APMAP: variants seen among roughly 807,000 people sequenced by gnomAD.
APMAP encodes the protein adipocyte plasma membrane associated protein, also known as adipocyte plasma membrane-associated protein.
In APMAP, 33 loss-of-function variants were observed where a neutral mutation model predicts 43.6. That is an observed-to-expected ratio of 0.76 (90% CI 0.57 to 1.01). The LOEUF is 1.01. Ranked by LOEUF, APMAP falls within the 50% of genes least tolerant of loss-of-function variation. The probability of loss-of-function intolerance (pLI) is 0.00; values close to 1 mark genes in which losing one functional copy is unlikely to be tolerated. For synonymous variants in APMAP, 224 were observed against 216.7 expected (o/e 1.03, Z -0.30); for missense variants, 498 against 540.7 (o/e 0.92, Z 0.78).
chr20:24,969,053 C>A lies in APMAP; in HGVS notation c.880G>T (p.Ala294Ser). The A allele has an allele frequency of 6.2e-7, 1 of 1,611,430 alleles. No individual in the cohort carries two copies. Among genetic ancestry groups the A allele is most frequent in the South Asian group, 1.1e-5 (1 of 90,596 alleles). ...GGCATGTTCTCCACAAACAGATCAG[C>A]CCCGCCCTTCATCAGGCCAGAAACG... ...VYVSGLMKGG[A>S]DLFVENMPGF... is the part of the protein sequence containing the mutation. The change falls in exon 8 of 9, where the codon GCT (alanine) becomes TCT (serine). Residue 294 changes from alanine to serine, a missense_variant. Physicochemically the swap from Ala to Ser is moderately conservative, Grantham distance 99. Transcript: ENST00000217456.
intron 1 of APMAP, among the ~76,000 whole-genome samples, chr20:24,985,970 C>G (rs2088143958): frequency 1.3e-5 from 2 of 152,172 alleles, no homozygotes; most frequent in Admixed American, 1.3e-4. Context: ...TGGTAGAAAG[C>G]TTGGCTGAAT....
In APMAP at chr20:24,963,574, C is replaced by T; in HGVS notation, c.*239G>A. On this transcript the variant is annotated 3_prime_UTR_variant, in exon 9 of 9. Coordinates refer to ENST00000217456, the MANE Select transcript of APMAP (RefSeq NM_020531.3). ...TTTTGTTTAAGAGAAAATGGCTTTACATGAATTTATGTTCCTCATGGCAGA... is the reference window on the plus strand; with the variant it reads ...TTTTGTTTAAGAGAAAATGGCTTTATATGAATTTATGTTCCTCATGGCAGA... The T allele has an allele frequency of 1.8e-6, 1 of 547,688 alleles. No homozygotes were observed. The highest frequency in any genetic ancestry group is 3.3e-6 in the Non-Finnish European group (1 of 306,726). 33.9% of individuals were successfully genotyped at this position (547,688 alleles called of 1,614,324 possible).
intron 3 of APMAP, among the ~76,000 whole-genome samples, chr20:24,976,927 C>G (rs2088054545): frequency 6.6e-6 from 1 of 152,216 alleles, no homozygotes; most frequent in Non-Finnish European, 1.5e-5. Flanking sequence ...AGATGCCAAT[C>G]TGAAAAGGCT....
At position 24,970,314 on chromosome 20, in the gene APMAP, A is replaced by T; in HGVS notation, c.596T>A (p.Phe199Tyr). Residue 199 changes from phenylalanine (F) to tyrosine (Y), a missense_variant, in exon 6 of 9, where the codon TTT (phenylalanine) becomes TAT (tyrosine). By Grantham distance (22) the Phe-to-Tyr change is conservative. Coordinates refer to ENST00000217456, the MANE Select transcript of APMAP (RefSeq NM_020531.3). The part of the protein sequence containing the change: ...ETPIEGKNMS[F>Y]VNDLTVTQDG... ...CTGAGTGACTGTAAGATCATTCACA[A>T]AGGACATGTTCTTCCCCTCAATGGG... is the stretch of plus-strand genomic sequence containing the variant. The T allele has an allele frequency of 6.2e-7, 1 of 1,614,016 alleles. No individual in the cohort carries two copies. The highest frequency in any genetic ancestry group is 8.5e-7 in the Non-Finnish European group (1 of 1,179,982).
intron 3 of APMAP, among the ~76,000 whole-genome samples, chr20:24,978,163 G>A (rs933900948): frequency 2.0e-5 from 3 of 152,214 alleles, no homozygotes; most frequent in Admixed American, 6.5e-5. Flanking sequence ...GACTATCTGT[G>A]CCTTCCCAAT....
intron 1 of APMAP, among the ~76,000 whole-genome samples, chr20:24,991,385 C>G (rs117380329): frequency 1.7e-3 from 262 of 152,338 alleles, no homozygotes; most frequent in Non-Finnish European, 3.0e-3. Flanking sequence ...GAAAGTTCTA[C>G]ATCCTTGGAA....
chr20:24,976,617 G>A lies in APMAP; in HGVS notation c.328+2150C>T, dbSNP rs561398534. Among the ~76,000 whole-genome samples the A allele has an allele frequency of 1.0e-3, 156 of 152,326 alleles. 1 individual carries two copies. The highest frequency in any genetic ancestry group is 1.6e-3 in the Non-Finnish European group (112 of 68,032). On this transcript the variant is annotated intron_variant, in intron 3 of 8. Coordinates refer to ENST00000217456, the MANE Select transcript of APMAP (RefSeq NM_020531.3). ...GAAGGCAAATGGTACAGCCACTTTG[G>A]AAACGCTTGGTGGTTTCTTACAAAA...
chr20:24,975,863 A>T (rs903454902), intron 3 of APMAP, among the ~76,000 whole-genome samples: 1 of 152,246 alleles, frequency 6.6e-6, no homozygotes, highest in South Asian at 2.1e-4. Context: ...TTTAGCCCAG[A>T]GACAGACCCA....
chr20:24,986,489 C>T (rs1481223753), intron 1 of APMAP, among the ~76,000 whole-genome samples: 1 of 152,192 alleles, frequency 6.6e-6, no homozygotes. Context: ...ACCAAATAAT[C>T]TTCTTCTAAT....
chr20:24,984,027 A>C lies in APMAP; in HGVS notation c.96-8T>G, dbSNP rs2088127474. 6.2e-7 allele frequency: 1 copy of C among 1,602,822 alleles called. No individual in the cohort carries two copies. The highest frequency in any genetic ancestry group is 1.3e-5 in the African/African-American group (1 of 74,680). ...ACTCTGCCGCTAAAGGAGCTGCCAG[A>C]AATAAAAGATACAAAGGCAATCAGC... On this transcript the variant is annotated splice_region_variant and splice_polypyrimidine_tract_variant and intron_variant, in intron 1 of 8. Coordinates refer to ENST00000217456, the MANE Select transcript of APMAP (RefSeq NM_020531.3).
At position 24,989,186 on chromosome 20, in the gene APMAP, T is replaced by C. The variant is rs569007519; in HGVS notation, c.95+3408A>G. Among the ~76,000 whole-genome samples the C allele has an allele frequency of 5.9e-5, 9 of 152,334 alleles. No homozygotes were observed. In the South Asian group the frequency reaches 1.9e-3, roughly 32 times the overall value. ...GACAAAGCATTGCAGGTTCCCAACCTGTGCTGACACATCCAGGAACGCTGG... is the reference window on the plus strand; with the variant it reads ...GACAAAGCATTGCAGGTTCCCAACCCGTGCTGACACATCCAGGAACGCTGG... On this transcript the variant is annotated intron_variant, in intron 1 of 8. Transcript: ENST00000217456.
At chr20:24,976,012 T>A (rs1415569981) in intron 3 of APMAP, among the ~76,000 whole-genome samples, 1 of 152,178 alleles carries the variant, frequency 6.6e-6, no homozygotes, top group East Asian at 1.9e-4. Context: ...ACACAAACCT[T>A]ATACCCTTCA....
At chr20:24,974,906 C>A (rs2088037743) in intron 3 of APMAP, among the ~76,000 whole-genome samples, 1 of 152,130 alleles carries the variant, frequency 6.6e-6, no homozygotes, top group Non-Finnish European at 1.5e-5. Context: ...GAGACTTCAA[C>A]AATCTAAACA....
intron 2 of APMAP, among the ~76,000 whole-genome samples, chr20:24,979,534 A>G (rs2088082623): frequency 6.6e-6 from 1 of 151,932 alleles, no homozygotes; most frequent in Admixed American, 6.6e-5. Flanking sequence ...CACGCCTCCC[A>G]ACCCACCATC....
intron 8 of APMAP, among the ~76,000 whole-genome samples, chr20:24,967,155 C>T (rs891908567): frequency 2.0e-5 from 3 of 152,086 alleles, no homozygotes; most frequent in Non-Finnish European, 2.9e-5. Flanking sequence ...ATTAGCCAAG[C>T]GTGGTGGTAC....
intron 2 of APMAP, among the ~76,000 whole-genome samples, chr20:24,979,220 C>T (rs982781010): frequency 1.3e-5 from 2 of 152,188 alleles, no homozygotes; most frequent in African/African-American, 4.8e-5. Context: ...CCCTGTGACT[C>T]ACAGCCCTAC....
Position 24,992,699 on chromosome 20 carries a change from C to T in APMAP, c.-11G>A. On this transcript the variant is annotated 5_prime_UTR_variant, in exon 1 of 9. Transcript: ENST00000217456. ...GTCCGCCTCGCTCATGGTACGGGCG[C>T]CAGCCTCACCCGCAGAAACCACCTC... is the stretch of plus-strand genomic sequence containing the variant. The T allele has an allele frequency of 1.3e-6, 2 of 1,505,680 alleles. No individual in the cohort carries two copies. Among genetic ancestry groups the T allele is most frequent in the Non-Finnish European group, 1.8e-6 (2 of 1,125,502 alleles). 93.3% of individuals were successfully genotyped at this position (1,505,680 alleles called of 1,614,324 possible). A position where few individuals can be genotyped will look rare whatever the true frequency, so the allele number is the denominator to read the frequency against.
chr20:24,970,139 G>T, intron 6 of APMAP, 58 bp downstream of exon 6: 1 of 1,592,096 alleles, frequency 6.3e-7, no homozygotes, highest in Non-Finnish European at 8.6e-7. Context: ...AGGCTCTGCT[G>T]AAGCAACTGG....
chr20:24,992,277 T>C (rs2088199781), intron 1 of APMAP, among the ~76,000 whole-genome samples: 1 of 151,884 alleles, frequency 6.6e-6, no homozygotes, highest in Non-Finnish European at 1.5e-5. Context: ...GCAACCGCTA[T>C]GCAGGGTGGG....
Sources: allele counts gnomAD v4.1 joint callset (sites outside exome capture counted in the v4.1 genomes callset), GRCh38; gene constraint gnomAD v4.1.1; transcripts MANE v1.5; gene names NCBI Gene and HGNC (gene_info 2026-07-23, HGNC 2026-07-21).